The following PTPRM variants were observed in gnomAD, a reference collection of about 807,000 sequenced individuals.
PTPRM encodes the protein receptor-type tyrosine-protein phosphatase mu.
Under a neutral mutation model 186.7 loss-of-function variants are expected in PTPRM, and 47 were observed. The ratio of observed to expected loss-of-function variants is 0.25; its 90% CI spans 0.20 to 0.32. PTPRM has a LOEUF of 0.32. PTPRM is among the 10% of genes least tolerant of loss of function. The probability of loss-of-function intolerance (pLI) is 1.00; values close to 1 mark genes in which losing one functional copy is unlikely to be tolerated. For synonymous variants in PTPRM, 668 were observed against 674.9 expected (o/e 0.99, Z 0.16); for missense variants, 1,494 against 1,865.0 (o/e 0.80, Z 3.66).
chr18:8,192,514 G>A (rs1205124936), intron 14 of PTPRM, among the ~76,000 whole-genome samples: 1 of 151,926 alleles, frequency 6.6e-6, no homozygotes, highest in Non-Finnish European at 1.5e-5. Context: ...GCCAAATTTG[G>A]GACAATTTGA....
intron 19 of PTPRM, among the ~76,000 whole-genome samples, chr18:8,256,282 G>T (rs916307632): frequency 2.0e-5 from 3 of 152,114 alleles, no homozygotes; most frequent in African/African-American, 7.2e-5. Flanking sequence ...GCACCCGACT[G>T]CCTGTATTCA....
chr18:8,221,820 A>G (rs1362572217), intron 14 of PTPRM, among the ~76,000 whole-genome samples: 2 of 152,184 alleles, frequency 1.3e-5, no homozygotes, highest in African/African-American at 4.8e-5. Context: ...GTGAACTGTA[A>G]CCTAAACAGA....
intron 7 of PTPRM, among the ~76,000 whole-genome samples, chr18:7,998,642 A>C (rs996827460): frequency 9.9e-5 from 15 of 152,050 alleles, no homozygotes; most frequent in African/African-American, 3.4e-4. Context: ...CTCCCCAAGT[A>C]CTTTTATACA....
At chr18:8,267,224 A>G (rs1478640323) in intron 19 of PTPRM, among the ~76,000 whole-genome samples, 2 of 152,176 alleles carry the variant, frequency 1.3e-5, no homozygotes, top group African/African-American at 4.8e-5. Flanking sequence ...TACTTCTTGA[A>G]ACATGAAGAG....
At chr18:7,632,836 T>C (rs1431872284) in intron 1 of PTPRM, among the ~76,000 whole-genome samples, 1 of 152,192 alleles carries the variant, frequency 6.6e-6, no homozygotes, top group African/African-American at 2.4e-5. Flanking sequence ...TGAGAAGGGA[T>C]GAAAATGTCT....
intron 7 of PTPRM, among the ~76,000 whole-genome samples, chr18:8,032,123 C>A (rs2086017862): frequency 6.6e-6 from 1 of 152,134 alleles, no homozygotes; most frequent in African/African-American, 2.4e-5. Flanking sequence ...AAAACTGTTA[C>A]AAGAGTCCAG....
chr18:8,264,911 G>A (rs112223268), intron 19 of PTPRM, among the ~76,000 whole-genome samples: 2,910 of 151,904 alleles, frequency 0.019, 89 homozygotes, highest in African/African-American at 0.066. Flanking sequence ...TAAGTAACTC[G>A]CCCCAGGCTG....
intron 14 of PTPRM, among the ~76,000 whole-genome samples, chr18:8,206,314 G>A (rs1304392348): frequency 1.3e-5 from 2 of 150,130 alleles, no homozygotes; most frequent in Non-Finnish European, 2.9e-5. Context: ...GAGTGCAGTC[G>A]CGCCATCTCG....
At chr18:8,221,754 C>A (rs950214475) in intron 14 of PTPRM, among the ~76,000 whole-genome samples, 1 of 152,198 alleles carries the variant, frequency 6.6e-6, no homozygotes, top group Non-Finnish European at 1.5e-5. Context: ...TCAAGTTTAG[C>A]CTAAACCTTC....
intron 1 of PTPRM, among the ~76,000 whole-genome samples, chr18:7,714,882 A>G (rs576140399): frequency 6.6e-6 from 1 of 152,222 alleles, no homozygotes; most frequent in South Asian, 2.1e-4. Context: ...TTAATTGCCT[A>G]CCAACCAAAA....
chr18:7,585,615 T>TC (rs2036959720), intron 1 of PTPRM, among the ~76,000 whole-genome samples: 1 of 152,186 alleles, frequency 6.6e-6, no homozygotes, highest in Non-Finnish European at 1.5e-5. Context: ...AGGCTTTCTC[T>TC]CTTTTTTTTT....
intron 14 of PTPRM, among the ~76,000 whole-genome samples, chr18:8,181,885 A>G (rs1366316631): frequency 6.6e-6 from 1 of 152,192 alleles, no homozygotes. Context: ...CTTAAAAAAG[A>G]AAAAGTGGAA....
chr18:8,240,843 A>AAAG lies in PTPRM; in HGVS notation c.2301-3213_2301-3212insGAA, dbSNP rs1184807842. On this transcript the variant is annotated intron_variant, in intron 14 of 32. Transcript: ENST00000580170. ...GAGAGAGAGAAAGAAAGAAAGAAAG[A>AAAG]AAAGAAAGAAAGAAAGAAATTGAAA... 3.8e-3 allele frequency among the ~76,000 whole-genome samples: 305 copies of AAAG among 79,958 alleles called. 12 individuals carry two copies. The highest frequency in any genetic ancestry group is 0.018 in the African/African-American group (291 of 16,150). 52.5% of individuals were successfully genotyped at this position (79,958 alleles called of 152,430 possible).
intron 1 of PTPRM, among the ~76,000 whole-genome samples, chr18:7,705,297 A>ATCTG (rs1290747273): frequency 1.1e-3 from 151 of 143,350 alleles, no homozygotes; most frequent in African/African-American, 3.6e-3. Context: ...CTATCTATCT[A>ATCTG]TCTATCTATC....
At chr18:8,085,934 C>T (rs921212333) in intron 10 of PTPRM, 62 bp downstream of exon 10, 1 of 1,513,524 alleles carries the variant, frequency 6.6e-7, no homozygotes, top group African/African-American at 1.4e-5. Flanking sequence ...GTTTTCATTC[C>T]CATTGTCAAG....
intron 14 of PTPRM, among the ~76,000 whole-genome samples, chr18:8,181,728 G>A (rs1200760828): frequency 6.6e-6 from 1 of 152,146 alleles, no homozygotes; most frequent in Non-Finnish European, 1.5e-5. Context: ...GTCTCTGAGG[G>A]AAGATGAATC....
At chr18:7,957,129 C>G (rs768073020) in intron 7 of PTPRM, among the ~76,000 whole-genome samples, 10 of 150,744 alleles carry the variant, frequency 6.6e-5, no homozygotes, top group Non-Finnish European at 1.5e-4. Flanking sequence ...TGTTTCAATT[C>G]TAGTCACTAG....
chr18:7,609,862 AG>A (rs1470694158), intron 1 of PTPRM, among the ~76,000 whole-genome samples: 2 of 152,182 alleles, frequency 1.3e-5, no homozygotes. Context: ...CCAGATGGTG[AG>A]AATTTTGCTA....
At position 8,343,159 on chromosome 18, in the gene PTPRM, G is replaced by A. The variant is rs564858685; in HGVS notation, c.2957-264G>A. On this transcript the variant is annotated intron_variant, in intron 22 of 32. Transcript: ENST00000580170. ...TGATGGAGAAATAACTTTCTTTCAC[G>A]GTAGTAGTTTAAGAAGGGTAAAAAG... Among the ~76,000 whole-genome samples, 13 of 152,220 alleles carry A rather than the reference G, an allele frequency of 8.5e-5. No homozygotes were observed. The East Asian group carries it at 1.2e-3, about 14-fold the overall frequency.
Sources: gnomAD v4.1 joint callset for allele counts (sites outside exome capture counted in the v4.1 genomes callset) on GRCh38, gnomAD v4.1.1 for gene constraint, MANE v1.5 for transcripts, NCBI Gene and HGNC (gene_info 2026-07-23, HGNC 2026-07-21) for gene names.